Variants in APBB2 observed in about 807,000 individuals in gnomAD.
The protein encoded by APBB2 is Fe65-like 1.
Under a neutral mutation model 82.5 loss-of-function variants are expected in APBB2, and 38 were observed. The observed-to-expected ratio is 0.46, with a 90% CI of 0.36 to 0.60. The LOEUF (loss-of-function observed/expected upper bound fraction) is 0.60, where lower values mean the gene tolerates loss of function less well. Among genes scored for constraint, APBB2 ranks in the 20% least tolerant of loss-of-function variants. The pLI is 0.00. For missense variants in APBB2, 772 were observed against 972.3 expected, an observed-to-expected ratio of 0.79 and a Z score of 2.74; for synonymous variants, 341 against 368.2, an observed-to-expected ratio of 0.93 and a Z score of 0.85.
At chr4:40,862,545 A>G (rs573961967) in intron 12 of APBB2, among the ~76,000 whole-genome samples, 3 of 152,246 alleles carry the variant, frequency 2.0e-5, no homozygotes, top group South Asian at 2.1e-4. Flanking sequence ...AACGTGCATC[A>G]TAACAGTTAA....
Position 40,815,743 on chromosome 4 carries a change from C to T in APBB2, c.*349G>A, listed in dbSNP as rs1482779247. Reference sequence around the variant, plus strand: ...CCAAGAAGACAGTGAAACTAACTCACGCATCATTCATTCCAAGGACGCAGC... The same window carrying T: ...CCAAGAAGACAGTGAAACTAACTCATGCATCATTCATTCCAAGGACGCAGC... On this transcript the variant is annotated 3_prime_UTR_variant, in exon 18 of 18. Transcript: ENST00000508593. 7 of 223,966 alleles carry T rather than the reference C, an allele frequency of 3.1e-5. No individual in the cohort carries two copies. The highest frequency in any genetic ancestry group is 9.0e-5 in the South Asian group (1 of 11,058). 13.9% of individuals were successfully genotyped at this position (223,966 alleles called of 1,614,324 possible).
chr4:40,999,204 G>A (rs1804464082), intron 6 of APBB2, among the ~76,000 whole-genome samples: 1 of 152,186 alleles, frequency 6.6e-6, no homozygotes, highest in African/African-American at 2.4e-5. Context: ...ACTCTGGGAG[G>A]CTGAGACAGG....
chr4:41,142,339 A>C (rs1759477033), intron 2 of APBB2, among the ~76,000 whole-genome samples: 1 of 152,202 alleles, frequency 6.6e-6, no homozygotes, highest in Non-Finnish European at 1.5e-5. Context: ...CCTGGCCCAC[A>C]GTGAGAGCAT....
At chr4:41,037,466 G>A (rs925137313) in intron 4 of APBB2, among the ~76,000 whole-genome samples, 1 of 152,062 alleles carries the variant, frequency 6.6e-6, no homozygotes, top group Non-Finnish European at 1.5e-5. Flanking sequence ...TCCAGGGTTA[G>A]ATAATTATAC....
At position 41,072,117 on chromosome 4, in the gene APBB2, A is replaced by ACT. The variant is rs1734107645; in HGVS notation, c.-148-6445_-148-6444insAG. On this transcript the variant is annotated intron_variant, in intron 3 of 17. Transcript: ENST00000508593. The stretch of plus-strand genomic sequence containing the variant: ...ATATAAATACACTCTGGAGAGCCCA[A>ACT]GGGGAAATCCAAGTTACAGAGCCAG... Among the ~76,000 whole-genome samples the ACT allele has an allele frequency of 3.3e-5, 5 of 152,338 alleles. No homozygotes were observed. In the South Asian group the frequency reaches 1.0e-3, roughly 32 times the overall value.
intron 6 of APBB2, among the ~76,000 whole-genome samples, chr4:40,957,487 T>G (rs1225350886): frequency 6.6e-6 from 1 of 152,202 alleles, no homozygotes; most frequent in East Asian, 1.9e-4. Flanking sequence ...AGTTGAGCCC[T>G]TAAAGAAACA....
chr4:40,949,265 T>TGGG (rs1279013983), intron 6 of APBB2, among the ~76,000 whole-genome samples: 1 of 151,896 alleles, frequency 6.6e-6, no homozygotes, highest in Non-Finnish European at 1.5e-5. Flanking sequence ...TGAGACTGTC[T>TGGG]CAAAAAAGGC....
At chr4:41,025,991 T>A (rs1190642636) in intron 5 of APBB2, among the ~76,000 whole-genome samples, 1 of 146,012 alleles carries the variant, frequency 6.8e-6, no homozygotes, top group South Asian at 2.2e-4. Context: ...GGTACATATA[T>A]ACCATGGAAT....
chr4:40,855,681 A>G (rs1369733704), intron 12 of APBB2, among the ~76,000 whole-genome samples: 1 of 152,028 alleles, frequency 6.6e-6, no homozygotes, highest in Non-Finnish European at 1.5e-5. Flanking sequence ...GGTTGCAGTG[A>G]GCCGAGATTG....
intron 17 of APBB2, among the ~76,000 whole-genome samples, chr4:40,818,007 G>T (rs962992467): frequency 1.3e-5 from 2 of 152,142 alleles, no homozygotes; most frequent in African/African-American, 4.8e-5. Flanking sequence ...ACACCTAAGT[G>T]TTGGAATTCA....
chr4:40,921,003 G>A (rs188676388), intron 10 of APBB2, among the ~76,000 whole-genome samples: 151 of 152,332 alleles, frequency 9.9e-4, no homozygotes, highest in African/African-American at 3.3e-3. Flanking sequence ...CCATTTAGCA[G>A]TGGAACAGTG....
rs1784978574 is a variant in APBB2, at chr4:40,934,691, A to G, written c.1116T>C (p.His372=). The G allele has an allele frequency of 1.2e-6, 2 of 1,612,866 alleles. No homozygotes were observed. Among genetic ancestry groups the G allele is most frequent in the African/African-American group, 2.7e-5 (2 of 74,912 alleles). The stretch of plus-strand genomic sequence containing the variant: ...TGGGGTCCGGGTTAACAGTGGCTGC[A>G]TGCAAATCCTAGAGGAAAATAGAAC... The part of the protein sequence containing the change: ...KINSDIWKDL[H]AATVNPDPSL... The change falls in exon 9 of 18, where the codon CAT becomes CAC. Residue 372 remains histidine, a synonymous_variant. Transcript: ENST00000508593.
chr4:41,000,047 GTATATGTATATATATGTGTGTA>G (rs1804715587), intron 6 of APBB2, among the ~76,000 whole-genome samples: 1 of 133,806 alleles, frequency 7.5e-6, no homozygotes. Flanking sequence ...GTGTGTGTAT[GTATATGTATATATATGTGTGTA>G]TGTGTGTGTG....
At chr4:41,171,066 TCTC>T (rs1768099700) in intron 1 of APBB2, among the ~76,000 whole-genome samples, 1 of 152,160 alleles carries the variant, frequency 6.6e-6, no homozygotes, top group South Asian at 2.1e-4. Context: ...TACGTCAGTT[TCTC>T]CTTTGTCTTT....
intron 12 of APBB2, among the ~76,000 whole-genome samples, chr4:40,836,052 G>A (rs1479588300): frequency 6.6e-6 from 1 of 152,164 alleles, no homozygotes; most frequent in African/African-American, 2.4e-5. Flanking sequence ...TGTGCTTGAG[G>A]AGCACCAGGT....
At chr4:41,022,803 C>T (rs893875842) in intron 5 of APBB2, among the ~76,000 whole-genome samples, 1 of 152,002 alleles carries the variant, frequency 6.6e-6, no homozygotes, top group African/African-American at 2.4e-5. Context: ...AATGTCTAGA[C>T]AGAATTTCTG....
intron 16 of APBB2, among the ~76,000 whole-genome samples, chr4:40,822,728 T>C (rs1329014514): frequency 6.6e-6 from 1 of 152,232 alleles, no homozygotes; most frequent in Non-Finnish European, 1.5e-5. Flanking sequence ...TTTTGGATCA[T>C]TAACATCTTG....
chr4:41,140,991 A>G (rs1276974819), intron 2 of APBB2, among the ~76,000 whole-genome samples: 1 of 152,206 alleles, frequency 6.6e-6, no homozygotes, highest in East Asian at 1.9e-4. Flanking sequence ...AAAGTGTACA[A>G]TAAATGTAAC....
At chr4:41,019,979 CAG>C (rs974026925) in intron 5 of APBB2, among the ~76,000 whole-genome samples, 2 of 150,542 alleles carry the variant, frequency 1.3e-5, no homozygotes, top group East Asian at 2.0e-4. Context: ...AAGACAGAGA[CAG>C]AGAGAGGAAG....
Sources: allele counts gnomAD v4.1 joint callset (sites outside exome capture counted in the v4.1 genomes callset), GRCh38; gene constraint gnomAD v4.1.1; transcripts MANE v1.5; gene names NCBI Gene and HGNC (gene_info 2026-07-23, HGNC 2026-07-21).